The following STAT5B variants were observed in gnomAD, a reference collection of about 807,000 sequenced individuals.
STAT5B encodes the protein transcription factor STAT5B.
Under a neutral mutation model 107.8 loss-of-function variants are expected in STAT5B, and 21 were observed. That is an observed-to-expected ratio of 0.19 (90% CI 0.14 to 0.28). STAT5B has a LOEUF of 0.28. Ranked by LOEUF, STAT5B falls within the 10% of genes least tolerant of loss-of-function variation. The probability of loss-of-function intolerance (pLI) is 1.00; values close to 1 mark genes in which losing one functional copy is unlikely to be tolerated. For synonymous variants in STAT5B, 325 were observed against 401.7 expected (o/e 0.81, Z 2.28); for missense variants, 565 against 1,008.2 (o/e 0.56, Z 5.95).
chr17:42,254,813 G>T (rs920978341), intron 1 of STAT5B, among the ~76,000 whole-genome samples: 1 of 152,104 alleles, frequency 6.6e-6, no homozygotes, highest in Non-Finnish European at 1.5e-5. Flanking sequence ...AAAAAAGAAG[G>T]TCGGTGCGGT....
At chr17:42,218,390 A>C in intron 8 of STAT5B, 60 bp from the exon 9 acceptor site, 1 of 1,579,658 alleles carries the variant, frequency 6.3e-7, no homozygotes, top group Non-Finnish European at 8.6e-7. Flanking sequence ...AAGGGCTCTC[A>C]GTCCCTCTGT....
intron 17 of STAT5B, 69 bp downstream of exon 17, chr17:42,202,688 G>T (rs992486152): frequency 4.3e-6 from 7 of 1,610,888 alleles, no homozygotes; most frequent in Non-Finnish European, 5.9e-6. Context: ...GCCAGGATAA[G>T]GATGGGAGGC....
chr17:42,202,370 G>A lies in STAT5B; in HGVS notation c.2207C>T (p.Pro736Leu), dbSNP rs2080052064. ...TGGGTACATGTTATAGTGAGCCTGG[G>A]GACACACAGCTGGGGAGGGGGCCTG... The part of the protein sequence containing the change: ...MDQAPSPAVC[P>L]QAHYNMYPQN... The change falls in exon 18 of 19, where the codon CCC (proline) becomes CTC (leucine). Residue 736 changes from proline to leucine, a missense_variant. Pro to Leu is a moderately conservative substitution (Grantham distance 98, BLOSUM62 -3). Transcript: ENST00000293328. 1.2e-6 allele frequency: 2 copies of A among 1,614,120 alleles called. No individual in the cohort carries two copies. The highest frequency in any genetic ancestry group is 1.1e-5 in the South Asian group (1 of 91,094).
intron 1 of STAT5B, among the ~76,000 whole-genome samples, chr17:42,233,593 C>T (rs982609445): frequency 2.6e-5 from 4 of 151,982 alleles, no homozygotes; most frequent in African/African-American, 4.8e-5. Context: ...CGGGTTCACG[C>T]CATTCTCCTG....
the STAT5B span, chr17:42,288,181 C>A: frequency 6.6e-6 from 1 of 152,236 alleles, no homozygotes; most frequent in Non-Finnish European, 1.5e-5. The surrounding 1 kb of genome is among the most constrained non-coding windows in gnomAD (Gnocchi z 4.8). Context: ...CGGGATTTCC[C>A]GGCAACGCCC....
chr17:42,203,150 A>C (rs2080059527), intron 16 of STAT5B, among the ~76,000 whole-genome samples: 1 of 152,070 alleles, frequency 6.6e-6, no homozygotes, highest in Non-Finnish European at 1.5e-5. Flanking sequence ...CATGTCACCC[A>C]GGCTGTTTTC....
At chr17:42,215,267 T>C (rs1397925564) in intron 12 of STAT5B, among the ~76,000 whole-genome samples, 5 of 152,210 alleles carry the variant, frequency 3.3e-5, no homozygotes, top group Non-Finnish European at 5.9e-5. Context: ...AAAGTAAGCC[T>C]CTGGAGAGAT....
At chr17:42,211,229 G>A (rs991289585) in intron 13 of STAT5B, among the ~76,000 whole-genome samples, 3 of 150,826 alleles carry the variant, frequency 2.0e-5, no homozygotes, top group African/African-American at 7.3e-5. Context: ...TAAATAGGGT[G>A]GGCACAGTGG....
intron 6 of STAT5B, 43 bp downstream of exon 6, chr17:42,219,669 T>G: frequency 1.3e-6 from 2 of 1,578,532 alleles, no homozygotes; most frequent in Non-Finnish European, 1.7e-6. Context: ...AGAGACTGAC[T>G]TCATGGCACC....
intron 16 of STAT5B, 70 bp downstream of exon 16, chr17:42,207,488 C>T (rs1307490227): frequency 5.6e-4 from 10 of 17,918 alleles, no homozygotes; most frequent in African/African-American, 1.1e-3. Context: ...CGCAGGTATG[C>T]ACACACACAC....
At chr17:42,262,820 ATATG>A (rs2080615387) in intron 1 of STAT5B, among the ~76,000 whole-genome samples, 1 of 130,334 alleles carries the variant, frequency 7.7e-6, no homozygotes, top group African/African-American at 2.9e-5. Context: ...ACACACATAT[ATATG>A]TGTATATATA....
chr17:42,279,577 C>T (rs369132832), upstream of STAT5B, among the ~76,000 whole-genome samples: 1 of 152,038 alleles, frequency 6.6e-6, no homozygotes, highest in Non-Finnish European at 1.5e-5. Context: ...CACCCGAGAT[C>T]GGGAGTTCGA....
At chr17:42,270,472 G>GTACA (rs1461268618) in intron 1 of STAT5B, 1 of 152,088 alleles carries the variant, frequency 6.6e-6, no homozygotes, top group Non-Finnish European at 1.5e-5. Flanking sequence ...CTTCTATGAT[G>GTACA]TACACGGTAA....
intron 1 of STAT5B, among the ~76,000 whole-genome samples, chr17:42,256,585 C>T (rs147431650): frequency 1.8e-4 from 28 of 152,286 alleles, no homozygotes; most frequent in African/African-American, 6.3e-4. Flanking sequence ...TTCGGCCAGG[C>T]ACAGTGGCTC....
At chr17:42,285,239 G>A in the STAT5B span, among the ~76,000 whole-genome samples, 7 of 152,154 alleles carry the variant, frequency 4.6e-5, no homozygotes, top group African/African-American at 1.4e-4. Flanking sequence ...ACAGGTGCGT[G>A]ACACCACGCC....
Position 42,200,066 on chromosome 17 carries a change from A to G in STAT5B, c.*1672T>C, listed in dbSNP as rs2080031836. Reference sequence around the variant, plus strand: ...GGTAGCCTGCTCCTCAGAGGCAGAGAGACTCTACTGCCTGGCATAGAAAAA... The same window carrying G: ...GGTAGCCTGCTCCTCAGAGGCAGAGGGACTCTACTGCCTGGCATAGAAAAA... On this transcript the variant is annotated 3_prime_UTR_variant, in exon 19 of 19. Transcript: ENST00000293328. The G allele has an allele frequency of 6.5e-6, 1 of 152,738 alleles. No homozygotes were observed. Among genetic ancestry groups the G allele is most frequent in the Non-Finnish European group, 1.5e-5 (1 of 68,034 alleles). The allele number at this position is 152,738 out of a possible 1,614,324, so 9.5% of individuals were successfully genotyped here.
At position 42,201,549 on chromosome 17, in the gene STAT5B, C is replaced by G; in HGVS notation, c.*189G>C. Reference sequence around the variant, plus strand: ...GCACACACACACACACACACACACACACACAAACACATACTCGCACTCCCT... The same window carrying G: ...GCACACACACACACACACACACACAGACACAAACACATACTCGCACTCCCT... On this transcript the variant is annotated 3_prime_UTR_variant, in exon 19 of 19. Coordinates refer to ENST00000293328, the MANE Select transcript of STAT5B (RefSeq NM_012448.4). 1 of 666,124 alleles carries G rather than the reference C, an allele frequency of 1.5e-6. No individual in the cohort carries two copies. Among genetic ancestry groups the G allele is most frequent in the Non-Finnish European group, 2.7e-6 (1 of 365,284 alleles). The allele number at this position is 666,124 out of a possible 1,614,324, so 41.3% of individuals were successfully genotyped here. A position where few individuals can be genotyped will look rare whatever the true frequency, so the allele number is the denominator to read the frequency against.
At position 42,199,491 on chromosome 17, in the gene STAT5B, TTGTG is replaced by T. The variant is rs1010636156; in HGVS notation, c.*2243_*2246del. ...ACACGGAGCTGAAACTTTTGAGGAC[TTGTG>T]TGTGTCTGGGAGTGGGTGAGAGGCT... On this transcript the variant is annotated 3_prime_UTR_variant, in exon 19 of 19. Coordinates refer to ENST00000293328, the MANE Select transcript of STAT5B (RefSeq NM_012448.4). The T allele has an allele frequency of 6.6e-6, 1 of 152,300 alleles. No individual in the cohort carries two copies. The highest frequency in any genetic ancestry group is 2.4e-5 in the African/African-American group (1 of 41,434). 9.4% of individuals were successfully genotyped at this position (152,300 alleles called of 1,614,324 possible). A position where few individuals can be genotyped will look rare whatever the true frequency, so the allele number is the denominator to read the frequency against.
chr17:42,221,378 ACG>A (rs1265373774), intron 5 of STAT5B, among the ~76,000 whole-genome samples: 7 of 152,074 alleles, frequency 4.6e-5, no homozygotes, highest in African/African-American at 7.3e-5. Flanking sequence ...GGCCAGGGAG[ACG>A]GGAAGCAATT....
Sources: allele counts gnomAD v4.1 joint callset (sites outside exome capture counted in the v4.1 genomes callset), GRCh38; gene constraint gnomAD v4.1.1; non-coding constraint Gnocchi (gnomAD v3.1); transcripts MANE v1.5; gene names NCBI Gene and HGNC (gene_info 2026-07-23, HGNC 2026-07-21).